Variants in WDR33 observed in about 807,000 individuals in gnomAD.
The protein encoded by WDR33 is WD repeat domain 33.
In WDR33, 47 loss-of-function variants were observed where a neutral mutation model predicts 164.9. The observed-to-expected ratio is 0.29, with a 90% confidence interval of 0.23 to 0.36. The LOEUF (loss-of-function observed/expected upper bound fraction) is 0.36. Ranked by LOEUF, WDR33 falls within the 10% of genes least tolerant of loss-of-function variation. WDR33 has a pLI of 1.00. For missense variants in WDR33, 1,137 were observed against 1,754.1 expected (o/e 0.65, Z 6.28); for synonymous variants, 505 against 589.0 (o/e 0.86, Z 2.06).
At chr2:127,767,646 C>G (rs943088104) in intron 4 of WDR33, among the ~76,000 whole-genome samples, 10 of 151,988 alleles carry the variant, frequency 6.6e-5, no homozygotes, top group African/African-American at 2.4e-4. Context: ...ACCCGGGGGG[C>G]GGAGCTTGCA....
chr2:127,729,158 G>A (rs1352980143), intron 7 of WDR33, among the ~76,000 whole-genome samples: 1 of 152,208 alleles, frequency 6.6e-6, no homozygotes, highest in Admixed American at 6.5e-5. Flanking sequence ...ATACTAGCAA[G>A]CACAAATACT....
chr2:127,796,097 A>T (rs1026968642), intron 1 of WDR33, among the ~76,000 whole-genome samples: 1 of 146,654 alleles, frequency 6.8e-6, no homozygotes, highest in African/African-American at 2.6e-5. Flanking sequence ...TTTTTGAGAC[A>T]GTCTTGCTCT....
In WDR33 at chr2:127,713,617, C is replaced by T. The variant is rs754257689; in HGVS notation, c.3274G>A (p.Glu1092Lys). ...CTGCGCCCTCGAAAACGTGGGTCCTCGGGATCCCGGGGGAAACGTTCATCT... is the reference window on the plus strand; with the variant it reads ...CTGCGCCCTCGAAAACGTGGGTCCTTGGGATCCCGGGGGAAACGTTCATCT... ...PGDERFPRDP[E>K]DPRFRGRREE... The change falls in exon 18 of 22, where the codon GAG (glutamate) becomes AAG (lysine). Residue 1092 changes from glutamate (E) to lysine (K), a missense_variant. Transcript: ENST00000322313. The surrounding 1 kb of genome is among the most constrained non-coding windows in gnomAD (Gnocchi z 6.2). The T allele has an allele frequency of 4.3e-6, 7 of 1,614,242 alleles. No individual in the cohort carries two copies. The highest frequency in any genetic ancestry group is 1.3e-5 in the African/African-American group (1 of 75,056).
chr2:127,722,562 G>A lies in WDR33; in HGVS notation c.1518+29C>T, dbSNP rs371146960. 36 of 1,606,978 alleles carry A rather than the reference G, an allele frequency of 2.2e-5. No individual in the cohort carries two copies. Among genetic ancestry groups the A allele is most frequent in the Non-Finnish European group, 2.6e-5 (31 of 1,177,336 alleles). The stretch of plus-strand genomic sequence containing the variant: ...AACTAACCAACCAAAACCTCTCTGC[G>A]TGGATGAGGTGGAGTCACTTTTACT... On this transcript the variant is annotated intron_variant, in intron 14 of 21. Coordinates refer to ENST00000322313, the MANE Select transcript of WDR33 (RefSeq NM_018383.5). This position sits in a 1 kb window ranked among gnomAD's most constrained non-coding sequence, Gnocchi z 5.1.
rs556126898 is a variant in WDR33, at chr2:127,727,995, A to G, written c.725-1218T>C. On this transcript the variant is annotated intron_variant, in intron 7 of 21. Coordinates refer to ENST00000322313, the MANE Select transcript of WDR33 (RefSeq NM_018383.5). ...GGACATAGGTTTATCCCAACACAAT[A>G]CCCCGTACTGGCAAGCATGTAGGGA... 4.5e-4 allele frequency among the ~76,000 whole-genome samples: 69 copies of G among 152,204 alleles called. 1 individual carries two copies. Among genetic ancestry groups the G allele is most frequent in the African/African-American group, 1.6e-3 (65 of 41,528 alleles).
At position 127,735,345 on chromosome 2, in the gene WDR33, C is replaced by G; in HGVS notation, c.725-8568G>C. 1.0e-6 allele frequency: 1 copy of G among 982,920 alleles called. No individual in the cohort carries two copies. Among genetic ancestry groups the G allele is most frequent in the Non-Finnish European group, 1.2e-6 (1 of 827,386 alleles). The allele number at this position is 982,920 out of a possible 1,614,324, so 60.9% of individuals were successfully genotyped here. ...AGCCCCTAAATAACCTGTCTTGAGA[C>G]AGTCCATAGGATCCCAAAGCTCGGT... On this transcript the variant is annotated intron_variant, in intron 7 of 21. Coordinates refer to ENST00000322313, the MANE Select transcript of WDR33 (RefSeq NM_018383.5). This position sits in a 1 kb window ranked among gnomAD's most constrained non-coding sequence, Gnocchi z 4.3.
chr2:127,726,515 G>A lies in WDR33; in HGVS notation c.851+136C>T, dbSNP rs1327384836. Reference sequence around the variant, plus strand: ...ATGAATCATATTTAATTCATAAGAAGTCTATAGATCCAAGTCCATCTGTTG... The same window carrying A: ...ATGAATCATATTTAATTCATAAGAAATCTATAGATCCAAGTCCATCTGTTG... On this transcript the variant is annotated intron_variant, in intron 8 of 21. Transcript: ENST00000322313. The surrounding 1 kb of genome is among the most constrained non-coding windows in gnomAD (Gnocchi z 4.8). The A allele has an allele frequency of 1.7e-6, 2 of 1,172,088 alleles. No individual in the cohort carries two copies. The allele number at this position is 1,172,088 out of a possible 1,614,324, so 72.6% of individuals were successfully genotyped here. A position where few individuals can be genotyped will look rare whatever the true frequency, so the allele number is the denominator to read the frequency against.
intron 1 of WDR33, among the ~76,000 whole-genome samples, chr2:127,788,052 G>A (rs1156336487): frequency 6.9e-5 from 6 of 86,504 alleles, no homozygotes; most frequent in African/African-American, 2.5e-4. Context: ...CGGACGGGGC[G>A]GCTGGCCGGG....
rs1193728412 is a variant in WDR33 at position 127,716,653 on chromosome 2, T to C, written c.2869+502A>G. On this transcript the variant is annotated intron_variant, in intron 17 of 21. Coordinates refer to ENST00000322313, the MANE Select transcript of WDR33 (RefSeq NM_018383.5). This position sits in a 1 kb window ranked among gnomAD's most constrained non-coding sequence, Gnocchi z 4.5. ...TAAATACTAATCATTCTCATCTCTT[T>C]CCTTTTCATATCAACAACCTGAGGA... Among the ~76,000 whole-genome samples, 6 of 152,220 alleles carry C rather than the reference T, an allele frequency of 3.9e-5. No individual in the cohort carries two copies.
chr2:127,765,141 A>C lies in WDR33; in HGVS notation c.474+33T>G, dbSNP rs183782613. 1.4e-4 allele frequency: 219 copies of C among 1,595,618 alleles called. No homozygotes were observed. The African/African-American group carries it at 2.5e-3, about 18-fold the overall frequency. ...TATCTCAAGTTCTTTACAGTACCAC[A>C]GGATGATGATACCATCTGGTGATTA... On this transcript the variant is annotated intron_variant, in intron 5 of 21. Transcript: ENST00000322313.
At chr2:127,806,416 C>T (rs1689443673) in intron 1 of WDR33, among the ~76,000 whole-genome samples, 1 of 151,990 alleles carries the variant, frequency 6.6e-6, no homozygotes, top group African/African-American at 2.4e-5. Flanking sequence ...CAATGTTGGC[C>T]AGGCTGGTCT....
At position 127,719,387 on chromosome 2, in the gene WDR33, G is replaced by T. The variant is rs202005660; in HGVS notation, c.2638C>A (p.Pro880Thr). 84 of 1,523,070 alleles carry T rather than the reference G, an allele frequency of 5.5e-5. No homozygotes were observed. The highest frequency in any genetic ancestry group is 1.8e-4 in the Middle Eastern group (1 of 5,630). 94.3% of individuals were successfully genotyped at this position (1,523,070 alleles called of 1,614,324 possible). The part of the protein sequence containing the change: ...GPPPQGGMQG[P>T]PGPQGQQNPA... The stretch of plus-strand genomic sequence containing the variant: ...TTCTGCTGTCCCTGAGGTCCGGGGG[G>T]TCCTTGCATGCCACCCTGGGGTGGA... Residue 880 changes from proline to threonine, a missense_variant, in exon 16 of 22, where the codon CCC becomes ACC. Transcript: ENST00000322313. The surrounding 1 kb of genome is among the most constrained non-coding windows in gnomAD (Gnocchi z 6.5).
intron 1 of WDR33, among the ~76,000 whole-genome samples, chr2:127,785,402 A>C (rs10199775): frequency 0.021 from 3,232 of 152,274 alleles, 122 homozygotes; most frequent in African/African-American, 0.075. Flanking sequence ...TTGAGTTGTG[A>C]CAAATGTCTA....
At chr2:127,791,928 T>C (rs909096110) in intron 1 of WDR33, among the ~76,000 whole-genome samples, 2 of 152,062 alleles carry the variant, frequency 1.3e-5, no homozygotes, top group East Asian at 1.9e-4. Context: ...AAAGGCCTTA[T>C]AATGTCTTAG....
rs202205365 is a variant in WDR33, at chr2:127,720,588, A to AT, written c.1672-236dup. Among the ~76,000 whole-genome samples, 32 of 147,196 alleles carry AT rather than the reference A, an allele frequency of 2.2e-4. No homozygotes were observed. The highest frequency in any genetic ancestry group is 1.5e-3 in the South Asian group (7 of 4,634). ...CAGTAGTAAGGATTTTTTTTTCCTTATTTTTTTTTTCTGTCCCCCAAGCTG... is the reference window on the plus strand; with the variant it reads ...CAGTAGTAAGGATTTTTTTTTCCTTATTTTTTTTTTTCTGTCCCCCAAGCTG... On this transcript the variant is annotated intron_variant, in intron 15 of 21. Transcript: ENST00000322313. This position sits in a 1 kb window ranked among gnomAD's most constrained non-coding sequence, Gnocchi z 5.9.
chr2:127,773,007 G>A (rs955425233), intron 1 of WDR33, among the ~76,000 whole-genome samples: 3 of 151,576 alleles, frequency 2.0e-5, no homozygotes, highest in Admixed American at 6.6e-5. Context: ...GTGCTGGTGC[G>A]CACCTGTAGT....
At chr2:127,742,250 G>A (rs1473090398) in intron 7 of WDR33, among the ~76,000 whole-genome samples, 4 of 151,990 alleles carry the variant, frequency 2.6e-5, no homozygotes, top group African/African-American at 9.7e-5. Flanking sequence ...AATTTCGGCT[G>A]GGCACAGTGG....
intron 1 of WDR33, among the ~76,000 whole-genome samples, chr2:127,788,004 T>C (rs1688660004): frequency 1.4e-5 from 1 of 69,648 alleles, no homozygotes; most frequent in Non-Finnish European, 2.6e-5. Flanking sequence ...ACGGGTTGGC[T>C]GGCCGGGCGG....
Position 127,713,245 on chromosome 2 carries a change from G to A in WDR33, c.3308+338C>T, listed in dbSNP as rs566939746. ...CCCTTTATTTCCAATCTAGGTAGCTGCCTCATATTTCCTTATTCTAATCAA... is the reference window on the plus strand; with the variant it reads ...CCCTTTATTTCCAATCTAGGTAGCTACCTCATATTTCCTTATTCTAATCAA... On this transcript the variant is annotated intron_variant, in intron 18 of 21. Transcript: ENST00000322313. The surrounding 1 kb of genome is among the most constrained non-coding windows in gnomAD (Gnocchi z 6.2). Among the ~76,000 whole-genome samples, 97 of 152,226 alleles carry A rather than the reference G, an allele frequency of 6.4e-4. No homozygotes were observed. Among genetic ancestry groups the A allele is most frequent in the African/African-American group, 2.2e-3 (92 of 41,554 alleles).
Sources: allele counts gnomAD v4.1 joint callset (sites outside exome capture counted in the v4.1 genomes callset), GRCh38; gene constraint gnomAD v4.1.1; non-coding constraint Gnocchi (gnomAD v3.1); transcripts MANE v1.5; gene names NCBI Gene and HGNC (gene_info 2026-07-23, HGNC 2026-07-21).